IRAK2: variants seen among roughly 807,000 people sequenced by gnomAD.
IRAK2 encodes the protein interleukin-1 receptor-associated kinase-like 2.
A neutral mutation model predicts 72.0 loss-of-function variants in IRAK2; 57 were observed. That is an observed-to-expected ratio of 0.79 (90% CI 0.64 to 0.99). The LOEUF (loss-of-function observed/expected upper bound fraction) is 0.99, where lower values mean the gene tolerates loss of function less well. Among genes scored for constraint, IRAK2 ranks in the 50% least tolerant of loss-of-function variants. The pLI is 0.00. For synonymous variants in IRAK2, 293 were observed against 312.7 expected, an observed-to-expected ratio of 0.94 and a Z score of 0.67; for missense variants, 790 against 794.4, an observed-to-expected ratio of 0.99 and a Z score of 0.07.
chr3:10,208,574 TA>T (rs1697466747), intron 3 of IRAK2, among the ~76,000 whole-genome samples: 4 of 151,720 alleles, frequency 2.6e-5, no homozygotes, highest in Admixed American at 2.6e-4. Flanking sequence ...CCATCCTGGC[TA>T]ACACAGTGAA....
At chr3:10,231,989 T>A (rs998049577) in intron 10 of IRAK2, among the ~76,000 whole-genome samples, 1 of 151,998 alleles carries the variant, frequency 6.6e-6, no homozygotes, top group East Asian at 1.9e-4. Flanking sequence ...TAGCCGGGCA[T>A]GGTGGCGGGT....
intron 4 of IRAK2, among the ~76,000 whole-genome samples, chr3:10,210,574 G>T (rs1161342395): frequency 1.3e-5 from 2 of 152,134 alleles, no homozygotes; most frequent in African/African-American, 4.8e-5. Flanking sequence ...AGCCAGCTTT[G>T]CATGAGTGTG....
At chr3:10,194,265 G>T (rs1000942046) in intron 2 of IRAK2, among the ~76,000 whole-genome samples, 2 of 152,238 alleles carry the variant, frequency 1.3e-5, no homozygotes, top group South Asian at 4.1e-4. Context: ...GCTTCCCCAC[G>T]CTTACTCTTG....
At chr3:10,222,980 T>TTGGCCTGTGGCGTATTTTGTA in intron 9 of IRAK2, 149 bp downstream of exon 9, 1 of 679,428 alleles carries the variant, frequency 1.5e-6, no homozygotes, top group Non-Finnish European at 2.5e-6. Context: ...ACAGGCCACT[T>TTGGCCTGTGGCGTATTTTGTA]TGGCCTGTGG....
chr3:10,209,716 C>T (rs1697489172), intron 4 of IRAK2, 24 bp downstream of exon 4: 1 of 1,378,750 alleles, frequency 7.3e-7, no homozygotes, highest in Non-Finnish European at 9.7e-7. Context: ...TCGGCTGCAG[C>T]CCCCAAGCCA....
intron 4 of IRAK2, among the ~76,000 whole-genome samples, chr3:10,209,947 T>G (rs986610376): frequency 5.3e-5 from 8 of 152,096 alleles, no homozygotes; most frequent in African/African-American, 1.9e-4. Flanking sequence ...TGAGACAGAG[T>G]CTCGCTCTGC....
intron 1 of IRAK2, among the ~76,000 whole-genome samples, chr3:10,168,975 A>AT (rs1304124610): frequency 5.3e-5 from 8 of 152,200 alleles, no homozygotes; most frequent in Admixed American, 4.6e-4. Context: ...GTTCTTTTCT[A>AT]TTTTCCCTAA....
At chr3:10,222,596 G>A (rs371155665) in intron 8 of IRAK2, 40 bp from the exon 9 acceptor site, 35 of 1,557,288 alleles carry the variant, frequency 2.2e-5, no homozygotes, top group African/African-American at 2.0e-4. Context: ...TTGTTATCCA[G>A]CTCAAAATGA....
chr3:10,209,699 C>T lies in IRAK2; in HGVS notation c.528+7C>T. The T allele has an allele frequency of 1.4e-6, 2 of 1,470,222 alleles. No homozygotes were observed. Among genetic ancestry groups the T allele is most frequent in the Non-Finnish European group, 1.8e-6 (2 of 1,104,234 alleles). The allele number at this position is 1,470,222 out of a possible 1,614,324, so 91.1% of individuals were successfully genotyped here. A position where few individuals can be genotyped will look rare whatever the true frequency, so the allele number is the denominator to read the frequency against. On this transcript the variant is annotated splice_region_variant and intron_variant, in intron 4 of 12. Transcript: ENST00000256458. ...CACTTCGTCTGATTCAAAGGTAAATCCACCCCTCGGCTGCAGCCCCCAAGC... is the reference window on the plus strand; with the variant it reads ...CACTTCGTCTGATTCAAAGGTAAATTCACCCCTCGGCTGCAGCCCCCAAGC...
In IRAK2 at chr3:10,213,369, G is replaced by A. The variant is rs749335220; in HGVS notation, c.691G>A (p.Gly231Arg). The stretch of plus-strand genomic sequence containing the variant: ...TGACGTCTACAGAGGGCACAGGCAC[G>A]GGAAGCCATTCGTCTTCAAGAAGCT... ...FADVYRGHRHGKPFVFKKLRE... is the reference protein window; with the variant it reads ...FADVYRGHRHRKPFVFKKLRE... Residue 231 changes from glycine (G) to arginine (R), a missense_variant, in exon 5 of 13, where the codon GGG becomes AGG. Gly to Arg is a moderately radical substitution (Grantham distance 125). Transcript: ENST00000256458. The A allele has an allele frequency of 1.2e-5, 20 of 1,613,986 alleles. No homozygotes were observed. Among genetic ancestry groups the A allele is most frequent in the African/African-American group, 5.3e-5 (4 of 74,904 alleles).
chr3:10,231,714 CTT>C (rs1697864276), intron 10 of IRAK2, among the ~76,000 whole-genome samples: 1 of 152,136 alleles, frequency 6.6e-6, no homozygotes, highest in Non-Finnish European at 1.5e-5. Context: ...TGGGATGTCA[CTT>C]TGTTGCCCAG....
In IRAK2 at chr3:10,234,425, T is replaced by G. The variant is rs928875914; in HGVS notation, c.1273-34T>G. The G allele has an allele frequency of 3.1e-6, 5 of 1,589,462 alleles. No individual in the cohort carries two copies. In the African/African-American group the frequency reaches 6.7e-5, roughly 21 times the overall value. ...GCGTTGGCTCTCGCAGCTCTGCAGC[T>G]CACGCAAGGGCGTTTCTACCCTTCT... On this transcript the variant is annotated intron_variant, in intron 10 of 12. Coordinates refer to ENST00000256458, the MANE Select transcript of IRAK2 (RefSeq NM_001570.4).
Position 10,238,882 on chromosome 3 carries a change from C to G in IRAK2, c.1608C>G (p.Ser536Arg). Reference protein sequence around the residue: ...PEETDDVDNSSLDASSSMSVA... With the variant: ...PEETDDVDNSRLDASSSMSVA... ...AAACAGACGACGTTGACAATTCCAG[C>G]CTTGATGCCTCCTCCTCCATGAGTG... Residue 536 changes from serine to arginine, a missense_variant, in exon 12 of 13, where the codon AGC (serine) becomes AGG (arginine). Transcript: ENST00000256458. 2 of 1,614,150 alleles carry G rather than the reference C, an allele frequency of 1.2e-6. No homozygotes were observed. Among genetic ancestry groups the G allele is most frequent in the South Asian group, 1.1e-5 (1 of 91,086 alleles).
rs577843150 is a variant in IRAK2, at chr3:10,207,532, C to T, written c.425-2057C>T. Among the ~76,000 whole-genome samples the T allele has an allele frequency of 1.1e-3, 170 of 152,294 alleles. 1 individual carries two copies. The highest frequency in any genetic ancestry group is 3.9e-3 in the African/African-American group (163 of 41,556). Reference sequence around the variant, plus strand: ...TCACCTCACCCACGGTCTGTGCCTGCGCCCACCGAGGAGCCCCCCTACCAG... The same window carrying T: ...TCACCTCACCCACGGTCTGTGCCTGTGCCCACCGAGGAGCCCCCCTACCAG... On this transcript the variant is annotated intron_variant, in intron 3 of 12. Transcript: ENST00000256458.
At chr3:10,237,501 T>C (rs1340993779) in intron 11 of IRAK2, among the ~76,000 whole-genome samples, 1 of 152,038 alleles carries the variant, frequency 6.6e-6, no homozygotes, top group Non-Finnish European at 1.5e-5. Context: ...AATTCATGCA[T>C]TGTGTATGAA....
chr3:10,195,201 G>A (rs755384531), intron 2 of IRAK2, among the ~76,000 whole-genome samples: 3 of 152,250 alleles, frequency 2.0e-5, no homozygotes, highest in Non-Finnish European at 2.9e-5. Context: ...TGGCCTTGAT[G>A]TTCCTGCCAA....
Position 10,225,753 on chromosome 3 carries a change from C to A in IRAK2, c.1210-618C>A, listed in dbSNP as rs1697763581. Among the ~76,000 whole-genome samples, 3 of 150,098 alleles carry A rather than the reference C, an allele frequency of 2.0e-5. No individual in the cohort carries two copies. The South Asian group carries it at 6.3e-4, about 31-fold the overall frequency. On this transcript the variant is annotated intron_variant, in intron 9 of 12. Coordinates refer to ENST00000256458, the MANE Select transcript of IRAK2 (RefSeq NM_001570.4). ...TTGCTCTGTCGCCCAGGCTGGAGTGCAGTGGTGCGATCTCAGTTCACTGCA... is the reference window on the plus strand; with the variant it reads ...TTGCTCTGTCGCCCAGGCTGGAGTGAAGTGGTGCGATCTCAGTTCACTGCA...
chr3:10,215,377 G>C (rs1204103627), intron 6 of IRAK2, among the ~76,000 whole-genome samples: 67 of 113,452 alleles, frequency 5.9e-4, no homozygotes, highest in Non-Finnish European at 9.9e-4. Context: ...CTGGGCAATA[G>C]AGTGAGACTC....
At chr3:10,232,516 C>T (rs148888992) in intron 10 of IRAK2, among the ~76,000 whole-genome samples, 4 of 152,118 alleles carry the variant, frequency 2.6e-5, no homozygotes, top group African/African-American at 7.2e-5. Flanking sequence ...GTGGAGCTGC[C>T]GACTCCTCCA....
Sources: allele counts gnomAD v4.1 joint callset (sites outside exome capture counted in the v4.1 genomes callset), GRCh38; gene constraint gnomAD v4.1.1; transcripts MANE v1.5; gene names NCBI Gene and HGNC (gene_info 2026-07-23, HGNC 2026-07-21).